MAGI2: variants seen among roughly 807,000 people sequenced by gnomAD.
MAGI2 encodes the protein membrane-associated guanylate kinase, WW and PDZ domain-containing protein 2.
MAGI2 carries 35 observed loss-of-function variants against 133.3 expected under a neutral mutation model. The observed-to-expected ratio is 0.26, with a 90% confidence interval of 0.20 to 0.35. The LOEUF (loss-of-function observed/expected upper bound fraction) is 0.35, where lower values mean the gene tolerates loss of function less well. Among genes scored for constraint, MAGI2 ranks in the 10% least tolerant of loss-of-function variants. The probability of loss-of-function intolerance (pLI) is 1.00; values close to 1 mark genes in which losing one functional copy is unlikely to be tolerated. For synonymous variants in MAGI2, 729 were observed against 710.6 expected (o/e 1.03, Z -0.41); for missense variants, 1,636 against 1,863.4 (o/e 0.88, Z 2.25).
intron 16 of MAGI2, among the ~76,000 whole-genome samples, chr7:78,147,717 C>T (rs540315316): frequency 7.2e-5 from 11 of 151,964 alleles, no homozygotes; most frequent in Non-Finnish European, 1.5e-4. Context: ...TATCATTAGT[C>T]TTTAGAGAAA....
chr7:78,653,360 C>A (rs1811782044), intron 2 of MAGI2, among the ~76,000 whole-genome samples: 1 of 152,100 alleles, frequency 6.6e-6, no homozygotes. Context: ...GCACTGTTCA[C>A]AATAGCAAAG....
rs532206371 is a variant in MAGI2, at chr7:78,113,374, C to T, written c.3567+12320G>A. Among the ~76,000 whole-genome samples, 8 of 152,242 alleles carry T rather than the reference C, an allele frequency of 5.3e-5. No homozygotes were observed. In the South Asian group the frequency reaches 1.2e-3, roughly 24 times the overall value. On this transcript the variant is annotated intron_variant, in intron 20 of 21. Coordinates refer to ENST00000354212, the MANE Select transcript of MAGI2 (RefSeq NM_012301.4). ...AAAGCTTTTGTAGCCTCTTGACATA[C>T]ATACTTACTTAAAAGATGCTCTCCG...
intron 1 of MAGI2, among the ~76,000 whole-genome samples, chr7:79,330,180 C>CTTTTT (rs544172383): frequency 0.015 from 893 of 59,156 alleles, 91 homozygotes; most frequent in East Asian, 0.1. Flanking sequence ...CAATCTGCAT[C>CTTTTT]TTTTTTTTTT....
intron 2 of MAGI2, among the ~76,000 whole-genome samples, chr7:78,811,017 G>A (rs1788999205): frequency 6.6e-6 from 1 of 151,878 alleles, no homozygotes. Flanking sequence ...AAATCTTGTA[G>A]TACTTTGTTT....
intron 2 of MAGI2, among the ~76,000 whole-genome samples, chr7:78,947,582 C>A (rs575635228): frequency 1.2e-4 from 18 of 152,052 alleles, no homozygotes; most frequent in African/African-American, 3.6e-4. Flanking sequence ...CTTCTATAGG[C>A]TGAATTTAGA....
chr7:78,527,040 A>C lies in MAGI2; in HGVS notation c.539-5395T>G, dbSNP rs1024228423. Among the ~76,000 whole-genome samples the C allele has an allele frequency of 2.0e-5, 3 of 150,596 alleles. No individual in the cohort carries two copies. The East Asian group carries it at 5.8e-4, about 29-fold the overall frequency. ...AAAAAAAAAAAAAAAAAAAAGAAAA[A>C]GAAAAAAAGAAAGAAAACTTTTCCA... On this transcript the variant is annotated intron_variant, in intron 3 of 21. Transcript: ENST00000354212.
chr7:78,466,457 G>A (rs1790643053), intron 6 of MAGI2, among the ~76,000 whole-genome samples: 3 of 152,176 alleles, frequency 2.0e-5, no homozygotes, highest in Admixed American at 1.3e-4. Context: ...AACTGTTTGT[G>A]AGGATTTATG....
chr7:78,431,074 C>CTGTGTGTGTGTGTGTGTGTGTGTGTGTG lies in MAGI2; in HGVS notation c.1045+58659_1045+58686dup, dbSNP rs147567944. Among the ~76,000 whole-genome samples the CTGTGTGTGTGTGTGTGTGTGTGTGTGTG allele has an allele frequency of 3.5e-3, 512 of 146,472 alleles. 5 individuals are homozygous for CTGTGTGTGTGTGTGTGTGTGTGTGTGTG. Among genetic ancestry groups the CTGTGTGTGTGTGTGTGTGTGTGTGTGTG allele is most frequent in the African/African-American group, 0.012 (475 of 39,954 alleles). On this transcript the variant is annotated intron_variant, in intron 6 of 21. Transcript: ENST00000354212. Reference sequence around the variant, plus strand: ...TGCCTGTTGGAATCAGTGAGGTAGGCTGTGTGTGTGTGTGTGTGTGTGTGT... The same window carrying CTGTGTGTGTGTGTGTGTGTGTGTGTGTG: ...TGCCTGTTGGAATCAGTGAGGTAGGCTGTGTGTGTGTGTGTGTGTGTGTGTGTGTGTGTGTGTGTGTGTGTGTGTGTGT...
chr7:78,236,027 GT>G (rs34874243), intron 10 of MAGI2, among the ~76,000 whole-genome samples: 3,578 of 134,536 alleles, frequency 0.027, 48 homozygotes, highest in African/African-American at 0.053. Context: ...AAGACTGTAT[GT>G]TTTTTTTTTT....
chr7:78,832,334 C>G (rs1791245793), intron 2 of MAGI2, among the ~76,000 whole-genome samples: 1 of 151,800 alleles, frequency 6.6e-6, no homozygotes. Context: ...CATGACATGT[C>G]TACCATGCAG....
At chr7:79,446,408 T>C (rs1440210443) in intron 1 of MAGI2, among the ~76,000 whole-genome samples, 1 of 152,198 alleles carries the variant, frequency 6.6e-6, no homozygotes, top group Non-Finnish European at 1.5e-5. Flanking sequence ...TGTTTGGGTA[T>C]ATCCAATGAT....
At chr7:78,147,951 ATC>A (rs1469225143) in intron 16 of MAGI2, among the ~76,000 whole-genome samples, 5 of 152,148 alleles carry the variant, frequency 3.3e-5, no homozygotes, top group Non-Finnish European at 5.9e-5. Flanking sequence ...GATAGGAAGC[ATC>A]TGGAGCCTTC....
intron 2 of MAGI2, among the ~76,000 whole-genome samples, chr7:78,882,810 C>T (rs1795979869): frequency 6.6e-6 from 1 of 152,072 alleles, no homozygotes; most frequent in Non-Finnish European, 1.5e-5. Context: ...CCCAACATCC[C>T]TTCATGATAG....
chr7:78,959,598 ACTGT>A (rs1005651707), intron 2 of MAGI2, among the ~76,000 whole-genome samples: 3 of 152,110 alleles, frequency 2.0e-5, no homozygotes, highest in Admixed American at 1.3e-4. Context: ...CATGATGGTG[ACTGT>A]CTGATGTATA....
intron 3 of MAGI2, among the ~76,000 whole-genome samples, chr7:78,595,905 G>A (rs563509829): frequency 6.6e-6 from 1 of 152,218 alleles, no homozygotes; most frequent in African/African-American, 2.4e-5. Flanking sequence ...CCAATACAAA[G>A]GAAGTATAAC....
At chr7:78,573,322 A>T (rs1217780977) in intron 3 of MAGI2, among the ~76,000 whole-genome samples, 5 of 65,494 alleles carry the variant, frequency 7.6e-5, no homozygotes, top group African/African-American at 4.3e-4. Context: ...AAATATATAA[A>T]TATATATATA....
chr7:79,122,668 G>T (rs1820010135), intron 1 of MAGI2, among the ~76,000 whole-genome samples: 1 of 150,180 alleles, frequency 6.7e-6, no homozygotes, highest in Non-Finnish European at 1.5e-5. Context: ...TTTTGAGATG[G>T]AGTTTTGCTC....
At chr7:78,146,549 A>G (rs1002109659) in intron 16 of MAGI2, among the ~76,000 whole-genome samples, 1 of 152,168 alleles carries the variant, frequency 6.6e-6, no homozygotes, top group Non-Finnish European at 1.5e-5. Flanking sequence ...ATAAAGGACA[A>G]CTTGTTTCTT....
chr7:78,342,278 T>C (rs1790466741), intron 9 of MAGI2, among the ~76,000 whole-genome samples: 1 of 152,156 alleles, frequency 6.6e-6, no homozygotes, highest in South Asian at 2.1e-4. Context: ...CCAGTTAGAA[T>C]GGTGATCATT....
Sources: gnomAD v4.1 joint callset for allele counts (sites outside exome capture counted in the v4.1 genomes callset) on GRCh38, gnomAD v4.1.1 for gene constraint, MANE v1.5 for transcripts, NCBI Gene and HGNC (gene_info 2026-07-23, HGNC 2026-07-21) for gene names.